Variants in CPLX4 observed in about 807,000 individuals in gnomAD.
CPLX4 encodes the protein complexin-4.
CPLX4 carries 17 observed loss-of-function variants against 16.1 expected under a neutral mutation model. The ratio of observed to expected loss-of-function variants is 1.06; its 90% CI spans 0.72 to 1.59. The LOEUF (loss-of-function observed/expected upper bound fraction) is 1.59, where lower values mean the gene tolerates loss of function less well. Ranked by LOEUF, CPLX4 falls within the 40% of genes most tolerant of loss-of-function variation. CPLX4 has a pLI of 0.00. For synonymous variants in CPLX4, 55 were observed against 57.8 expected (o/e 0.95, Z 0.22); for missense variants, 193 against 192.9 (o/e 1.00, Z 0.00).
rs149408519 is a variant in CPLX4 at position 59,296,707 on chromosome 18, G to T, written c.474C>A (p.Ser158=). 1.2e-4 allele frequency: 156 copies of T among 1,293,034 alleles called. No individual in the cohort carries two copies. Among genetic ancestry groups the T allele is most frequent in the Admixed American group, 4.4e-4 (24 of 54,194 alleles). The allele number at this position is 1,293,034 out of a possible 1,614,324, so 80.1% of individuals were successfully genotyped here. A position where few individuals can be genotyped will look rare whatever the true frequency, so the allele number is the denominator to read the frequency against. The change falls in exon 3 of 3, where the codon TCC becomes TCA. Residue 158 remains serine, a synonymous_variant. Transcript: ENST00000299721. ...CCACCCCTCCCACCCCTCACATCAC[G>T]GAACACTTCTGCTCCGCTGTCTGCT... ...EIKQTAEQKC[S]VM is the part of the protein sequence containing the mutation.
intron 2 of CPLX4, among the ~76,000 whole-genome samples, chr18:59,304,784 A>G (rs1318701042): frequency 6.6e-6 from 1 of 152,060 alleles, no homozygotes. Flanking sequence ...GTTGGCCAGG[A>G]TCGTCTCGAT....
At position 59,296,723 on chromosome 18, in the gene CPLX4, G is replaced by A. The variant is rs752019452; in HGVS notation, c.458C>T (p.Ala153Val). The part of the protein sequence containing the change: ...QATFTEIKQT[A>V]EQKCSVM The stretch of plus-strand genomic sequence containing the variant: ...TCACATCACGGAACACTTCTGCTCC[G>A]CTGTCTGCTTGATTTCAGTGAAGGT... Residue 153 changes from alanine (A) to valine (V), a missense_variant, in exon 3 of 3, where the codon GCG becomes GTG. Transcript: ENST00000299721. The A allele has an allele frequency of 6.9e-6, 10 of 1,459,036 alleles. No homozygotes were observed. Among genetic ancestry groups the A allele is most frequent in the South Asian group, 1.1e-5 (1 of 88,918 alleles). The allele number at this position is 1,459,036 out of a possible 1,614,324, so 90.4% of individuals were successfully genotyped here.
At chr18:59,311,541 C>T (rs1293160604) in intron 2 of CPLX4, among the ~76,000 whole-genome samples, 1 of 152,182 alleles carries the variant, frequency 6.6e-6, no homozygotes, top group Non-Finnish European at 1.5e-5. Context: ...ACTTTCTAGA[C>T]CACCCAGACT....
At chr18:59,313,909 A>C (rs2070635006) in intron 1 of CPLX4, among the ~76,000 whole-genome samples, 1 of 152,232 alleles carries the variant, frequency 6.6e-6, no homozygotes, top group Non-Finnish European at 1.5e-5. Flanking sequence ...CTGGTGAACT[A>C]TCTTTGCATA....
intron 2 of CPLX4, among the ~76,000 whole-genome samples, chr18:59,302,066 G>A (rs187064080): frequency 6.6e-6 from 1 of 152,116 alleles, no homozygotes; most frequent in Non-Finnish European, 1.5e-5. Flanking sequence ...GGAGAGTATC[G>A]GCCCTTAAGA....
intron 2 of CPLX4, among the ~76,000 whole-genome samples, chr18:59,311,634 G>A (rs1434294329): frequency 6.6e-6 from 1 of 152,166 alleles, no homozygotes. Context: ...TGTTCTTTAA[G>A]GGATGGCGCA....
At position 59,296,399 on chromosome 18, in the gene CPLX4, T is replaced by C. The variant is rs2070500895; in HGVS notation, c.*299A>G. On this transcript the variant is annotated 3_prime_UTR_variant, in exon 3 of 3. Transcript: ENST00000299721. The stretch of plus-strand genomic sequence containing the variant: ...GAGAGGAAATGCCCCTTGCTTTTGT[T>C]TCTTCCTGGCTCATCTCAAGGTCTT... 2.7e-6 allele frequency: 1 copy of C among 376,828 alleles called. No individual in the cohort carries two copies. The highest frequency in any genetic ancestry group is 4.7e-5 in the Admixed American group (1 of 21,304). The allele number at this position is 376,828 out of a possible 1,614,324, so 23.3% of individuals were successfully genotyped here. A position where few individuals can be genotyped will look rare whatever the true frequency, so the allele number is the denominator to read the frequency against.
chr18:59,318,186 A>C, intron 1 of CPLX4, 110 bp downstream of exon 1: 4 of 1,450,670 alleles, frequency 2.8e-6, no homozygotes, highest in Non-Finnish European at 3.6e-6. Context: ...TAAACGGCAA[A>C]AGGAAAGGCA....
At chr18:59,310,947 C>CGTGTGTGTGTGTGT (rs56041362) in intron 2 of CPLX4, among the ~76,000 whole-genome samples, 2 of 143,540 alleles carry the variant, frequency 1.4e-5, no homozygotes, top group East Asian at 2.1e-4. Context: ...CCCAGCCAAT[C>CGTGTGTGTGTGTGT]GTGTGTGTGT....
rs1393832722 is a variant in CPLX4 at position 59,296,877 on chromosome 18, A to C, written c.304T>G (p.Leu102Val). ...ACCATTTTCCGGAGATCTTCAGGTA[A>C]ATCCACATCATCTCCAGCCATCTGG... is the stretch of plus-strand genomic sequence containing the variant. ...QIQMAGDDVD[L>V]PEDLRKMVDE... Residue 102 changes from leucine to valine, a missense_variant, in exon 3 of 3, where the codon TTA (leucine) becomes GTA (valine). Transcript: ENST00000299721. 1 of 1,613,100 alleles carries C rather than the reference A, an allele frequency of 6.2e-7. No homozygotes were observed. Among genetic ancestry groups the C allele is most frequent in the Non-Finnish European group, 8.5e-7 (1 of 1,179,902 alleles).
intron 2 of CPLX4, among the ~76,000 whole-genome samples, chr18:59,302,136 C>G (rs1455553847): frequency 6.6e-6 from 1 of 152,208 alleles, no homozygotes; most frequent in Non-Finnish European, 1.5e-5. Flanking sequence ...ACAGTGGACA[C>G]AGCAGCCTTG....
chr18:59,309,943 T>G (rs1361577435), intron 2 of CPLX4, among the ~76,000 whole-genome samples: 1 of 152,044 alleles, frequency 6.6e-6, no homozygotes, highest in Non-Finnish European at 1.5e-5. Flanking sequence ...TTGTGGGGCC[T>G]GAGTTCCAGT....
Position 59,296,676 on chromosome 18 carries a change from C to A in CPLX4, c.*22G>T. 6.3e-7 allele frequency: 1 copy of A among 1,598,960 alleles called. No individual in the cohort carries two copies. The highest frequency in any genetic ancestry group is 1.1e-5 in the South Asian group (1 of 90,268). ...GTCTTTTCCAAGGATGGCTGGTTCC[C>A]TCCCTCCACCCCTCCCACCCCTCAC... On this transcript the variant is annotated 3_prime_UTR_variant, in exon 3 of 3. Transcript: ENST00000299721.
At chr18:59,308,253 C>A (rs2070590949) in intron 2 of CPLX4, among the ~76,000 whole-genome samples, 1 of 152,050 alleles carries the variant, frequency 6.6e-6, no homozygotes, top group African/African-American at 2.4e-5. Context: ...CATGATTCTG[C>A]CCCCCATAAG....
intron 1 of CPLX4, among the ~76,000 whole-genome samples, chr18:59,317,306 C>T (rs1568108127): frequency 6.6e-6 from 1 of 152,034 alleles, no homozygotes; most frequent in Non-Finnish European, 1.5e-5. Context: ...TCTTTTGAAA[C>T]ATATGATAAA....
chr18:59,311,921 T>G (rs185946737), intron 2 of CPLX4, among the ~76,000 whole-genome samples: 1 of 152,324 alleles, frequency 6.6e-6, no homozygotes, highest in African/African-American at 2.4e-5. Flanking sequence ...AAGATGGTGC[T>G]AGGTGATGAC....
chr18:59,314,583 C>T (rs1009471964), intron 1 of CPLX4, among the ~76,000 whole-genome samples: 2 of 152,166 alleles, frequency 1.3e-5, no homozygotes, highest in African/African-American at 2.4e-5. Flanking sequence ...AAAGCACACA[C>T]CTGTGTAACC....
At chr18:59,311,411 G>A (rs1162371070) in intron 2 of CPLX4, among the ~76,000 whole-genome samples, 1 of 152,132 alleles carries the variant, frequency 6.6e-6, no homozygotes. Context: ...TAAGTCTTTG[G>A]TGATTTCATC....
chr18:59,311,084 G>A (rs948250423), intron 2 of CPLX4, among the ~76,000 whole-genome samples: 3 of 151,866 alleles, frequency 2.0e-5, no homozygotes, highest in South Asian at 2.1e-4. Flanking sequence ...GCATGAATCC[G>A]ACTCAATCTT....
Sources: allele counts gnomAD v4.1 joint callset (sites outside exome capture counted in the v4.1 genomes callset), GRCh38; gene constraint gnomAD v4.1.1; transcripts MANE v1.5; gene names NCBI Gene and HGNC (gene_info 2026-07-23, HGNC 2026-07-21).